The following DCC variants were observed in gnomAD, a reference collection of about 807,000 sequenced individuals.
The protein encoded by DCC is netrin receptor DCC.
In DCC, 58 loss-of-function variants were observed where a neutral mutation model predicts 172.5. That is an observed-to-expected ratio of 0.34 (90% CI 0.27 to 0.42). The LOEUF is 0.42. DCC is among the 10% of genes least tolerant of loss of function. The pLI is 1.00. For synonymous variants in DCC, 709 were observed against 644.5 expected (o/e 1.10, Z -1.52); for missense variants, 1,740 against 1,791.0 (o/e 0.97, Z 0.51).
At chr18:53,337,642 C>T (rs965202500) in intron 14 of DCC, among the ~76,000 whole-genome samples, 1 of 152,046 alleles carries the variant, frequency 6.6e-6, no homozygotes, top group Non-Finnish European at 1.5e-5. Context: ...AAAGGGCCAT[C>T]TTTGGGGGAA....
intron 5 of DCC, among the ~76,000 whole-genome samples, chr18:53,056,155 C>G (rs2042400787): frequency 6.6e-6 from 1 of 152,078 alleles, no homozygotes; most frequent in Admixed American, 6.6e-5. Context: ...TTCTGCATGG[C>G]TGGGGAAGCC....
chr18:52,795,131 AT>A (rs761714053), intron 2 of DCC, among the ~76,000 whole-genome samples: 3 of 151,990 alleles, frequency 2.0e-5, no homozygotes, highest in Non-Finnish European at 4.4e-5. Context: ...TATCAGGGTA[AT>A]TCTGGCCTTG....
intron 27 of DCC, among the ~76,000 whole-genome samples, chr18:53,518,410 C>A (rs924846601): frequency 2.0e-5 from 3 of 152,034 alleles, no homozygotes; most frequent in Non-Finnish European, 4.4e-5. Context: ...GTTTCTCACC[C>A]CAAAAAATTA....
At chr18:53,099,040 AT>A (rs1276036606) in intron 7 of DCC, among the ~76,000 whole-genome samples, 1 of 152,066 alleles carries the variant, frequency 6.6e-6, no homozygotes, top group East Asian at 1.9e-4. Context: ...AGTAATTTGT[AT>A]TCTGTAGAGA....
chr18:53,504,255 G>T (rs558645805), intron 27 of DCC, among the ~76,000 whole-genome samples: 31 of 152,186 alleles, frequency 2.0e-4, no homozygotes, highest in African/African-American at 7.5e-4. Context: ...CTGCCATTGC[G>T]GGTATTCATC....
intron 2 of DCC, among the ~76,000 whole-genome samples, chr18:52,903,137 A>G (rs1408478165): frequency 2.6e-5 from 4 of 152,220 alleles, no homozygotes; most frequent in Non-Finnish European, 5.9e-5. Flanking sequence ...CAGGCTCTAG[A>G]ACCTACTTGC....
rs375949282 is a variant in DCC at position 52,661,983 on chromosome 18, G to C, written c.92-90071G>C. ...GATAGAAGGAATAAAAAACACAGTAGAATGATTGGAAGATAACATTGAGGA... is the reference window on the plus strand; with the variant it reads ...GATAGAAGGAATAAAAAACACAGTACAATGATTGGAAGATAACATTGAGGA... On this transcript the variant is annotated intron_variant, in intron 1 of 28. Transcript: ENST00000442544. Among the ~76,000 whole-genome samples, 3 of 152,180 alleles carry C rather than the reference G, an allele frequency of 2.0e-5. No homozygotes were observed. In the East Asian group the frequency reaches 5.8e-4, roughly 29 times the overall value.
intron 14 of DCC, among the ~76,000 whole-genome samples, chr18:53,332,345 A>C: frequency 6.6e-6 from 1 of 152,344 alleles, no homozygotes; most frequent in Admixed American, 6.5e-5. Flanking sequence ...TAGAAAACAC[A>C]TATTAAAAGT....
chr18:52,669,843 G>GA (rs1009814644), intron 1 of DCC, among the ~76,000 whole-genome samples: 2 of 150,760 alleles, frequency 1.3e-5, no homozygotes, highest in Non-Finnish European at 3.0e-5. Context: ...AGAAGCGTTT[G>GA]AAAAAACAAA....
intron 1 of DCC, among the ~76,000 whole-genome samples, chr18:52,616,864 C>T (rs919339977): frequency 1.6e-4 from 25 of 152,074 alleles, no homozygotes; most frequent in African/African-American, 5.8e-4. Context: ...TGATTCTAAA[C>T]ATGGGAGCAA....
At chr18:52,703,998 T>C (rs2036167130) in intron 1 of DCC, among the ~76,000 whole-genome samples, 1 of 152,076 alleles carries the variant, frequency 6.6e-6, no homozygotes. Flanking sequence ...AGATTTATAT[T>C]CTTATGCTGG....
At chr18:53,057,713 C>G (rs929945112) in intron 5 of DCC, among the ~76,000 whole-genome samples, 12 of 152,094 alleles carry the variant, frequency 7.9e-5, no homozygotes, top group African/African-American at 2.7e-4. Flanking sequence ...ATTTGATAAA[C>G]TTAAAAATTC....
chr18:52,920,081 G>A (rs761780936), intron 3 of DCC, among the ~76,000 whole-genome samples: 16 of 148,412 alleles, frequency 1.1e-4, no homozygotes, highest in South Asian at 4.2e-4. Context: ...AAAATGGACC[G>A]TAAACCTAAA....
chr18:53,244,045 T>C (rs1347971066), intron 12 of DCC, among the ~76,000 whole-genome samples: 1 of 152,164 alleles, frequency 6.6e-6, no homozygotes, highest in Admixed American at 6.6e-5. Context: ...ATACACAGTT[T>C]TGTATCATTA....
chr18:52,483,012 C>T (rs78290231), intron 1 of DCC, among the ~76,000 whole-genome samples: 2 of 152,058 alleles, frequency 1.3e-5, no homozygotes, highest in Non-Finnish European at 2.9e-5. Flanking sequence ...TGCTCTCCCT[C>T]GAAGGCTCCT....
chr18:53,185,619 C>T (rs531532257), intron 9 of DCC, among the ~76,000 whole-genome samples: 1 of 152,258 alleles, frequency 6.6e-6, no homozygotes, highest in African/African-American at 2.4e-5. Flanking sequence ...TGATTACTGG[C>T]TACTGTATTG....
chr18:53,286,186 GA>G (rs1179033118), intron 12 of DCC, among the ~76,000 whole-genome samples: 9 of 152,112 alleles, frequency 5.9e-5, no homozygotes, highest in Non-Finnish European at 1.0e-4. Flanking sequence ...TGAGATTTTT[GA>G]GGGGCCGGGG....
At chr18:53,104,900 C>T (rs953960200) in intron 7 of DCC, among the ~76,000 whole-genome samples, 4 of 152,002 alleles carry the variant, frequency 2.6e-5, no homozygotes, top group Non-Finnish European at 5.9e-5. Context: ...AGGTTCTATG[C>T]AAATTCAATT....
intron 2 of DCC, among the ~76,000 whole-genome samples, chr18:52,852,540 A>G (rs919539289): frequency 7.2e-5 from 11 of 152,186 alleles, no homozygotes; most frequent in African/African-American, 2.7e-4. Context: ...ATACAAGGTG[A>G]AAATGTTTTG....
Sources: gnomAD v4.1 joint callset for allele counts (sites outside exome capture counted in the v4.1 genomes callset) on GRCh38, gnomAD v4.1.1 for gene constraint, MANE v1.5 for transcripts, NCBI Gene and HGNC (gene_info 2026-07-23, HGNC 2026-07-21) for gene names.